STK32B: variants seen among roughly 807,000 people sequenced by gnomAD.
STK32B encodes serine/threonine kinase 32B, also known as serine/threonine-protein kinase 32B.
A neutral mutation model predicts 52.6 loss-of-function variants in STK32B; 43 were observed. The ratio of observed to expected loss-of-function variants is 0.82; its 90% CI spans 0.64 to 1.05. The LOEUF is 1.05. Among genes scored for constraint, STK32B ranks in the 50% least tolerant of loss-of-function variants. The probability of loss-of-function intolerance (pLI) is 0.00; values close to 1 mark genes in which losing one functional copy is unlikely to be tolerated. For missense variants in STK32B, 621 were observed against 534.6 expected (o/e 1.16, Z -1.59); for synonymous variants, 238 against 204.3 (o/e 1.17, Z -1.41).
intron 2 of STK32B, among the ~76,000 whole-genome samples, chr4:5,141,872 T>C (rs1716485909): frequency 1.3e-5 from 2 of 152,212 alleles, no homozygotes; most frequent in South Asian, 4.2e-4. Flanking sequence ...TATCTAATGG[T>C]TTAGAGGTTG....
intron 6 of STK32B, among the ~76,000 whole-genome samples, chr4:5,444,482 C>G (rs1715186145): frequency 6.6e-6 from 1 of 152,226 alleles, no homozygotes; most frequent in South Asian, 2.1e-4. Context: ...CGCACACCCA[C>G]TGACCTGCGC....
At chr4:5,279,692 C>T (rs1350462399) in intron 3 of STK32B, among the ~76,000 whole-genome samples, 1 of 152,208 alleles carries the variant, frequency 6.6e-6, no homozygotes, top group Non-Finnish European at 1.5e-5. Context: ...CATGAGGGCT[C>T]CGCCAGGTGT....
chr4:5,287,662 A>G (rs1232693977), intron 3 of STK32B, among the ~76,000 whole-genome samples: 1 of 150,418 alleles, frequency 6.6e-6, no homozygotes, highest in Non-Finnish European at 1.5e-5. Flanking sequence ...AATAATACAT[A>G]TGGTATTTTC....
intron 11 of STK32B, 95 bp downstream of exon 11, chr4:5,468,165 C>A: frequency 7.6e-7 from 1 of 1,315,912 alleles, no homozygotes; most frequent in South Asian, 1.2e-5. Context: ...CCAAACCGGC[C>A]TTGACGACAA....
chr4:5,495,849 C>A (rs1285207737), intron 11 of STK32B, among the ~76,000 whole-genome samples: 1 of 152,150 alleles, frequency 6.6e-6, no homozygotes, highest in South Asian at 2.1e-4. Context: ...CACTCCAGAC[C>A]CTGTTTGCCT....
At chr4:5,390,651 C>G (rs1736539179) in intron 4 of STK32B, among the ~76,000 whole-genome samples, 1 of 152,060 alleles carries the variant, frequency 6.6e-6, no homozygotes, top group Non-Finnish European at 1.5e-5. Flanking sequence ...TCAAGCTGTA[C>G]AGTATCAGGA....
chr4:5,461,751 C>T (rs569536440), intron 9 of STK32B, among the ~76,000 whole-genome samples: 1 of 152,352 alleles, frequency 6.6e-6, no homozygotes, highest in East Asian at 1.9e-4. Flanking sequence ...TCGCACAGGG[C>T]TTCGTCCTTC....
rs544015434 is a variant in STK32B, at chr4:5,072,144, G to T, written c.52+20229G>T. On this transcript the variant is annotated intron_variant, in intron 1 of 11. Transcript: ENST00000282908. The stretch of plus-strand genomic sequence containing the variant: ...GTTTTCAAATAGGGTGTTAGTTTGG[G>T]ATGAGTTTAAAGTAATAGTTATTTA... Among the ~76,000 whole-genome samples, 12 of 152,240 alleles carry T rather than the reference G, an allele frequency of 7.9e-5. No homozygotes were observed. In the South Asian group the frequency reaches 1.0e-3, roughly 13 times the overall value.
At chr4:5,390,842 C>T (rs1736551544) in intron 4 of STK32B, among the ~76,000 whole-genome samples, 1 of 152,094 alleles carries the variant, frequency 6.6e-6, no homozygotes, top group South Asian at 2.1e-4. Context: ...CCCTGCCTCT[C>T]TCCCAGTTTC....
intron 3 of STK32B, among the ~76,000 whole-genome samples, chr4:5,225,749 A>C (rs1723823847): frequency 6.6e-6 from 1 of 152,204 alleles, no homozygotes; most frequent in Non-Finnish European, 1.5e-5. Flanking sequence ...CAAGGAAGGA[A>C]CAAGAGCACC....
rs80244360 is a variant in STK32B at position 5,084,390 on chromosome 4, A to G, written c.52+32475A>G. Among the ~76,000 whole-genome samples the G allele has an allele frequency of 5.1e-4, 77 of 152,352 alleles. No individual in the cohort carries two copies. The East Asian group carries it at 0.014, about 28-fold the overall frequency. ...AACAGTGAAAGATGGTTAATAACCT[A>G]GATAGTTAACATGAGTGGAAATATT... On this transcript the variant is annotated intron_variant, in intron 1 of 11. Coordinates refer to ENST00000282908, the MANE Select transcript of STK32B (RefSeq NM_018401.3).
chr4:5,397,358 C>T (rs1021276717), intron 4 of STK32B, among the ~76,000 whole-genome samples: 2 of 152,194 alleles, frequency 1.3e-5, no homozygotes, highest in African/African-American at 4.8e-5. Context: ...TGGTGTTTCA[C>T]GTGTGTCTAC....
chr4:5,033,734 G>A, the STK32B span, among the ~76,000 whole-genome samples: 3 of 152,196 alleles, frequency 2.0e-5, no homozygotes, highest in Non-Finnish European at 4.4e-5. Flanking sequence ...CGCCCTGGGA[G>A]ATGAGAAGAA....
chr4:5,242,421 GTTGT>G (rs1725102510), intron 3 of STK32B, among the ~76,000 whole-genome samples: 2 of 152,132 alleles, frequency 1.3e-5, no homozygotes, highest in African/African-American at 2.4e-5. Context: ...TTTTGATGGG[GTTGT>G]TTGTTTTTTT....
intron 3 of STK32B, among the ~76,000 whole-genome samples, chr4:5,228,740 G>T (rs1724042552): frequency 6.6e-6 from 1 of 152,152 alleles, no homozygotes; most frequent in Non-Finnish European, 1.5e-5. Flanking sequence ...GGCCGAAAAG[G>T]GTGGATCACC....
rs201647206 is a variant in STK32B, at chr4:5,399,369, G to A, written c.472+1125G>A. Among the ~76,000 whole-genome samples the A allele has an allele frequency of 6.6e-6, 1 of 152,152 alleles. No homozygotes were observed. On this transcript the variant is annotated intron_variant, in intron 5 of 11. Coordinates refer to ENST00000282908, the MANE Select transcript of STK32B (RefSeq NM_018401.3). The surrounding 1 kb of genome is among the most constrained non-coding windows in gnomAD (Gnocchi z 5.4). Reference sequence around the variant, plus strand: ...TCAGAGCTCCTCTCGAACCTTCCATGAGCCAGCAGCATAGCTTGGGGCATC... The same window carrying A: ...TCAGAGCTCCTCTCGAACCTTCCATAAGCCAGCAGCATAGCTTGGGGCATC...
chr4:5,488,089 T>G lies in STK32B; in HGVS notation c.1107-10856T>G, dbSNP rs77907270. Among the ~76,000 whole-genome samples, 905 of 152,226 alleles carry G rather than the reference T, an allele frequency of 5.9e-3. 12 individuals carry two copies. Among genetic ancestry groups the G allele is most frequent in the African/African-American group, 0.021 (874 of 41,564 alleles). On this transcript the variant is annotated intron_variant, in intron 11 of 11. Coordinates refer to ENST00000282908, the MANE Select transcript of STK32B (RefSeq NM_018401.3). ...AGTTACAACCTGATAACCCTATTCT[T>G]ATATGGTCAGACCAGCCTGACCAAC...
At position 5,469,967 on chromosome 4, in the gene STK32B, C is replaced by G. The variant is rs2109173219; in HGVS notation, c.1106+1897C>G. On this transcript the variant is annotated intron_variant, in intron 11 of 11. Transcript: ENST00000282908. This position sits in a 1 kb window ranked among gnomAD's most constrained non-coding sequence, Gnocchi z 4.7. ...ATCTTGGGCTCAGGCAGCCTTCATT[C>G]TCTGTGTGTGGGCCGTGGAGTCCAA... Among the ~76,000 whole-genome samples the G allele has an allele frequency of 6.6e-6, 1 of 152,184 alleles. No homozygotes were observed. Among genetic ancestry groups the G allele is most frequent in the East Asian group, 1.9e-4 (1 of 5,192 alleles).
Position 5,396,697 on chromosome 4 carries a change from C to T in STK32B, c.435-1510C>T, listed in dbSNP as rs1316127857. On this transcript the variant is annotated intron_variant, in intron 4 of 11. Coordinates refer to ENST00000282908, the MANE Select transcript of STK32B (RefSeq NM_018401.3). This position sits in a 1 kb window ranked among gnomAD's most constrained non-coding sequence, Gnocchi z 4.7. Reference sequence around the variant, plus strand: ...TTAAATCATCTCAGTCCCGGTGATACCTTAAGAGATAAGCTTGAACATTTG... The same window carrying T: ...TTAAATCATCTCAGTCCCGGTGATATCTTAAGAGATAAGCTTGAACATTTG... Among the ~76,000 whole-genome samples, 2 of 152,196 alleles carry T rather than the reference C, an allele frequency of 1.3e-5. No homozygotes were observed. Among genetic ancestry groups the T allele is most frequent in the African/African-American group, 4.8e-5 (2 of 41,452 alleles).
Sources: gnomAD v4.1 joint callset for allele counts (sites outside exome capture counted in the v4.1 genomes callset) on GRCh38, gnomAD v4.1.1 for gene constraint, Gnocchi (gnomAD v3.1) non-coding constraint, MANE v1.5 for transcripts, NCBI Gene and HGNC (gene_info 2026-07-23, HGNC 2026-07-21) for gene names.